Variants in CAMK1D observed in about 807,000 individuals in gnomAD.
CAMK1D encodes the protein calcium/calmodulin-dependent protein kinase type 1D.
In CAMK1D, 9 loss-of-function variants were observed where a neutral mutation model predicts 47.7. That is an observed-to-expected ratio of 0.19 (90% CI 0.11 to 0.33). The LOEUF is 0.33. Ranked by LOEUF, CAMK1D falls within the 10% of genes least tolerant of loss-of-function variation. The pLI, the probability that CAMK1D is intolerant of heterozygous loss-of-function variation, is 1.00. For synonymous variants in CAMK1D, 184 were observed against 184.9 expected (o/e 0.99, Z 0.04); for missense variants, 291 against 488.7 (o/e 0.60, Z 3.81).
intron 1 of CAMK1D, among the ~76,000 whole-genome samples, chr10:12,541,843 C>CTTCCTTCCTTCG (rs1836195129): frequency 6.5e-5 from 1 of 15,440 alleles, no homozygotes. Flanking sequence ...TGTGTTTTAT[C>CTTCCTTCCTTCG]TTCCTTCCTT....
intron 6 of CAMK1D, among the ~76,000 whole-genome samples, chr10:12,798,072 G>A (rs977822974): frequency 1.3e-5 from 2 of 152,234 alleles, no homozygotes; most frequent in African/African-American, 4.8e-5. Flanking sequence ...AGGCCATGAG[G>A]TAGAGAGGGC....
At chr10:12,702,127 A>G (rs1361282904) in intron 3 of CAMK1D, among the ~76,000 whole-genome samples, 1 of 152,102 alleles carries the variant, frequency 6.6e-6, no homozygotes, top group Non-Finnish European at 1.5e-5. Flanking sequence ...CTGGGAACCC[A>G]CTTTCTAGAA....
intron 3 of CAMK1D, among the ~76,000 whole-genome samples, chr10:12,719,188 C>T (rs1815512957): frequency 6.6e-6 from 1 of 152,088 alleles, no homozygotes; most frequent in Non-Finnish European, 1.5e-5. Context: ...GGGTGGATCA[C>T]CTGAGGTCAG....
chr10:12,736,721 GA>G (rs3842697), intron 3 of CAMK1D, among the ~76,000 whole-genome samples: 133,091 of 152,150 alleles, frequency 0.87, 60,299 homozygotes, highest in Non-Finnish European at 0.99. Flanking sequence ...TTCTTTTGAT[GA>G]ATAGCACCAC....
intron 2 of CAMK1D, among the ~76,000 whole-genome samples, chr10:12,594,739 C>T (rs1486564114): frequency 6.6e-6 from 1 of 152,174 alleles, no homozygotes; most frequent in Non-Finnish European, 1.5e-5. Context: ...ACTTCCTTTT[C>T]TGGTAATAAA....
At chr10:12,534,227 A>G (rs1272358036) in intron 1 of CAMK1D, among the ~76,000 whole-genome samples, 1 of 152,096 alleles carries the variant, frequency 6.6e-6, no homozygotes, top group Non-Finnish European at 1.5e-5. Context: ...TCAATGTATC[A>G]ATCATGGAGT....
At chr10:12,412,489 G>A (rs1230753061) in intron 1 of CAMK1D, among the ~76,000 whole-genome samples, 4 of 150,546 alleles carry the variant, frequency 2.7e-5, no homozygotes, top group Admixed American at 6.6e-5. Context: ...CAGGCGTGGC[G>A]GCACATGCCT....
intron 1 of CAMK1D, among the ~76,000 whole-genome samples, chr10:12,428,464 G>A (rs979409686): frequency 9.2e-5 from 14 of 152,180 alleles, no homozygotes; most frequent in East Asian, 5.8e-4. Flanking sequence ...CAAGGTGCCC[G>A]TTTCTCTCTC....
chr10:12,769,201 G>A (rs1836920900), intron 4 of CAMK1D, among the ~76,000 whole-genome samples: 1 of 152,200 alleles, frequency 6.6e-6, no homozygotes, highest in Admixed American at 6.5e-5. Flanking sequence ...TTCATGAAGG[G>A]TGCAGTGCAG....
intron 3 of CAMK1D, among the ~76,000 whole-genome samples, chr10:12,737,615 C>T (rs1420818781): frequency 1.3e-5 from 2 of 152,282 alleles, no homozygotes; most frequent in East Asian, 3.9e-4. Context: ...TGACCTTACC[C>T]ACTGCTCTGC....
intron 2 of CAMK1D, among the ~76,000 whole-genome samples, chr10:12,646,832 T>TATTTTTA (rs1010162278): frequency 1.3e-5 from 2 of 152,150 alleles, no homozygotes; most frequent in East Asian, 1.9e-4. Context: ...TATTTATTTT[T>TATTTTTA]ATTTTTAATT....
intron 3 of CAMK1D, among the ~76,000 whole-genome samples, chr10:12,712,043 T>C (rs946019567): frequency 1.3e-5 from 2 of 152,242 alleles, no homozygotes; most frequent in African/African-American, 2.4e-5. Context: ...GCTGTTCCTC[T>C]GTTAGCTTTG....
chr10:12,397,112 C>T (rs534039119), intron 1 of CAMK1D, among the ~76,000 whole-genome samples: 6 of 152,172 alleles, frequency 3.9e-5, no homozygotes, highest in Non-Finnish European at 7.3e-5. Flanking sequence ...TACCTTTCAG[C>T]TGCCTTACAG....
At chr10:12,415,837 G>T (rs1839829340) in intron 1 of CAMK1D, 1 of 146,398 alleles carries the variant, frequency 6.8e-6, no homozygotes, top group South Asian at 2.1e-4. Flanking sequence ...ACAAGGTCTC[G>T]CTCTGTTGTC....
chr10:12,591,526 T>C (rs1190322592), intron 2 of CAMK1D, among the ~76,000 whole-genome samples: 1 of 152,248 alleles, frequency 6.6e-6, no homozygotes, highest in Non-Finnish European at 1.5e-5. Context: ...GTGGCTGACT[T>C]CTTATTATAG....
chr10:12,573,830 A>ATTTTTT (rs1588648909), intron 2 of CAMK1D, among the ~76,000 whole-genome samples: 9 of 46,154 alleles, frequency 1.9e-4, no homozygotes, highest in African/African-American at 3.2e-4. Flanking sequence ...TATTAAAAAA[A>ATTTTTT]CTTTTTTTTT....
chr10:12,708,804 T>C (rs1833824496), intron 3 of CAMK1D, among the ~76,000 whole-genome samples: 1 of 152,242 alleles, frequency 6.6e-6, no homozygotes, highest in African/African-American at 2.4e-5. Flanking sequence ...TAAATATGGA[T>C]GACTTGTTTG....
chr10:12,533,533 G>A (rs1181931140), intron 1 of CAMK1D, among the ~76,000 whole-genome samples: 4 of 151,788 alleles, frequency 2.6e-5, no homozygotes, highest in East Asian at 1.9e-4. Context: ...TCTGCTTTAC[G>A]GAAAGTGTTA....
chr10:12,539,516 A>G (rs931462800), intron 1 of CAMK1D, among the ~76,000 whole-genome samples: 13 of 152,188 alleles, frequency 8.5e-5, no homozygotes, highest in East Asian at 3.8e-4. Flanking sequence ...CCATGTGACA[A>G]TGGAGCTATG....
Sources: allele counts gnomAD v4.1 joint callset (sites outside exome capture counted in the v4.1 genomes callset), GRCh38; gene constraint gnomAD v4.1.1; transcripts MANE v1.5; gene names NCBI Gene and HGNC (gene_info 2026-07-23, HGNC 2026-07-21).